The following SNTG2 variants were observed in gnomAD, a reference collection of about 807,000 sequenced individuals.
SNTG2 encodes the protein gamma-2-syntrophin.
A neutral mutation model predicts 70.9 loss-of-function variants in SNTG2; 74 were observed. The ratio of observed to expected loss-of-function variants is 1.04; its 90% confidence interval spans 0.86 to 1.27. The LOEUF (loss-of-function observed/expected upper bound fraction) is 1.27, where lower values mean the gene tolerates loss of function less well. Ranked by LOEUF, SNTG2 falls within the 50% of genes most tolerant of loss-of-function variation. The probability of loss-of-function intolerance (pLI) is 0.00; values close to 1 mark genes in which losing one functional copy is unlikely to be tolerated. For synonymous variants in SNTG2, 278 were observed against 273.8 expected (o/e 1.02, Z -0.15); for missense variants, 717 against 690.7 (o/e 1.04, Z -0.43).
At chr2:1,117,053 T>C (rs73154609) in intron 4 of SNTG2, among the ~76,000 whole-genome samples, 741 of 59,830 alleles carry the variant, frequency 0.012, 11 homozygotes, top group African/African-American at 0.049. Context: ...GTGTGGGTGC[T>C]CTGGTGTGTG....
chr2:1,123,360 C>G (rs1018505261), intron 4 of SNTG2, among the ~76,000 whole-genome samples: 1 of 152,132 alleles, frequency 6.6e-6, no homozygotes, highest in African/African-American at 2.4e-5. Flanking sequence ...AAAACAGACA[C>G]CTACACCAGT....
intron 8 of SNTG2, among the ~76,000 whole-genome samples, chr2:1,203,279 G>A (rs1265066610): frequency 6.6e-6 from 1 of 152,164 alleles, no homozygotes; most frequent in Non-Finnish European, 1.5e-5. Flanking sequence ...TCAGGAAATA[G>A]AGGAGGTTGA....
At chr2:1,172,015 A>G (rs1671159723) in intron 7 of SNTG2, among the ~76,000 whole-genome samples, 1 of 152,316 alleles carries the variant, frequency 6.6e-6, no homozygotes, top group Admixed American at 6.5e-5. Context: ...ACAACAGGGC[A>G]TCCCAAATAC....
intron 16 of SNTG2, among the ~76,000 whole-genome samples, chr2:1,320,992 C>T (rs1235491072): frequency 6.6e-6 from 1 of 152,140 alleles, no homozygotes; most frequent in African/African-American, 2.4e-5. Flanking sequence ...GCATGAGGGT[C>T]AGCACATATG....
intron 9 of SNTG2, among the ~76,000 whole-genome samples, chr2:1,234,731 C>A (rs1020622573): frequency 6.6e-6 from 1 of 152,210 alleles, no homozygotes; most frequent in Non-Finnish European, 1.5e-5. Flanking sequence ...AGCTGATGAT[C>A]TTTCTCAAGA....
intron 2 of SNTG2, among the ~76,000 whole-genome samples, chr2:1,089,968 C>T (rs1220162685): frequency 6.6e-6 from 1 of 152,204 alleles, no homozygotes; most frequent in Non-Finnish European, 1.5e-5. Context: ...ACTGCTTCCT[C>T]ACTGGCCTTT....
chr2:1,137,777 A>T lies in SNTG2; in HGVS notation c.379A>T (p.Ile127Leu). The T allele has an allele frequency of 1.2e-6, 2 of 1,613,606 alleles. No individual in the cohort carries two copies. The highest frequency in any genetic ancestry group is 1.7e-6 in the Non-Finnish European group (2 of 1,179,754). ...VGDAVLQVNGIHVENATHEEV... is the reference protein window; with the variant it reads ...VGDAVLQVNGLHVENATHEEV... ...TTTGTCATCTGTTCAGGTTAATGGCATACATGTAGAAAATGCAACTCATGA... is the reference window on the plus strand; with the variant it reads ...TTTGTCATCTGTTCAGGTTAATGGCTTACATGTAGAAAATGCAACTCATGA... Residue 127 changes from isoleucine to leucine, a missense_variant, in exon 6 of 17, where the codon ATA becomes TTA. Transcript: ENST00000308624.
At chr2:1,030,221 C>T (rs1377359939) in intron 1 of SNTG2, among the ~76,000 whole-genome samples, 1 of 152,178 alleles carries the variant, frequency 6.6e-6, no homozygotes, top group Non-Finnish European at 1.5e-5. Flanking sequence ...TGCTGAACTT[C>T]TTGAGCTGTG....
rs1676352040 is a variant in SNTG2 at position 1,232,874 on chromosome 2, C to T, written c.720-5014C>T. ...ATTTTCAGTCATGAGCTAAAATACA[C>T]ACACATGCACACACACACACATGCA... On this transcript the variant is annotated intron_variant, in intron 9 of 16. Coordinates refer to ENST00000308624, the MANE Select transcript of SNTG2 (RefSeq NM_018968.4). Among the ~76,000 whole-genome samples, 4 of 152,070 alleles carry T rather than the reference C, an allele frequency of 2.6e-5. No individual in the cohort carries two copies. The South Asian group carries it at 8.3e-4, about 31-fold the overall frequency.
intron 1 of SNTG2, among the ~76,000 whole-genome samples, chr2:980,695 T>TAC (rs10648703): frequency 0.03 from 4,502 of 150,000 alleles, 75 homozygotes; most frequent in African/African-American, 0.042. Context: ...TAGACACATG[T>TAC]ACACACACAC....
intron 1 of SNTG2, among the ~76,000 whole-genome samples, chr2:983,705 G>A (rs1218329711): frequency 1.3e-5 from 2 of 152,192 alleles, no homozygotes; most frequent in African/African-American, 4.8e-5. Flanking sequence ...TCCCTGGTTG[G>A]ATTTAAAGTG....
chr2:979,878 A>G lies in SNTG2; in HGVS notation c.72+28810A>G, dbSNP rs554553756. Among the ~76,000 whole-genome samples the G allele has an allele frequency of 5.8e-5, 8 of 136,998 alleles. No homozygotes were observed. The South Asian group carries it at 1.3e-3, about 22-fold the overall frequency. 89.9% of individuals were successfully genotyped at this position (136,998 alleles called of 152,430 possible). A position where few individuals can be genotyped will look rare whatever the true frequency, so the allele number is the denominator to read the frequency against. ...ACAAAGTTATTGCCAAAGTTTATAGAGATTATAATTTAAGTTATGTTAAAT... is the reference window on the plus strand; with the variant it reads ...ACAAAGTTATTGCCAAAGTTTATAGGGATTATAATTTAAGTTATGTTAAAT... On this transcript the variant is annotated intron_variant, in intron 1 of 16. Transcript: ENST00000308624.
At chr2:1,215,524 C>A (rs557003588) in intron 9 of SNTG2, among the ~76,000 whole-genome samples, 14 of 150,616 alleles carry the variant, frequency 9.3e-5, no homozygotes, top group Non-Finnish European at 1.5e-4. Flanking sequence ...TTTTTAAAAG[C>A]GTGTTTTACA....
chr2:1,063,034 A>C (rs1315719522), intron 1 of SNTG2, among the ~76,000 whole-genome samples: 1 of 152,214 alleles, frequency 6.6e-6, no homozygotes, highest in Non-Finnish European at 1.5e-5. Context: ...ACTGTAAAAA[A>C]CTTAATTGTC....
chr2:1,312,966 G>T (rs934172636), intron 15 of SNTG2, among the ~76,000 whole-genome samples: 2 of 152,196 alleles, frequency 1.3e-5, no homozygotes, highest in African/African-American at 4.8e-5. Flanking sequence ...AAAACATCAA[G>T]AAACGAATTA....
At chr2:1,241,545 A>G (rs1677050933) in intron 11 of SNTG2, among the ~76,000 whole-genome samples, 2 of 132,470 alleles carry the variant, frequency 1.5e-5, no homozygotes, top group South Asian at 5.0e-4. Context: ...ATATGTATAC[A>G]TGTACCATGT....
rs146121755 is a variant in SNTG2 at position 1,166,347 on chromosome 2, C to T, written c.499+712C>T. Among the ~76,000 whole-genome samples the T allele has an allele frequency of 1.4e-3, 207 of 152,278 alleles. 1 individual carries two copies. Among genetic ancestry groups the T allele is most frequent in the African/African-American group, 4.8e-3 (201 of 41,556 alleles). On this transcript the variant is annotated intron_variant, in intron 7 of 16. Transcript: ENST00000308624. ...CAGGGCATCCGATGTGGAATGAGGA[C>T]CTCCCGCTGAGCCGACAGTCGGGTT...
chr2:1,168,633 C>G (rs766458676), intron 7 of SNTG2, among the ~76,000 whole-genome samples: 3 of 152,204 alleles, frequency 2.0e-5, no homozygotes, highest in Admixed American at 6.5e-5. Flanking sequence ...TTCAGCAACT[C>G]CATTTTTCCC....
intron 6 of SNTG2, among the ~76,000 whole-genome samples, chr2:1,143,364 G>C (rs1668877455): frequency 6.6e-6 from 1 of 152,044 alleles, no homozygotes; most frequent in Non-Finnish European, 1.5e-5. Flanking sequence ...TGAGTCCCTG[G>C]GCCTTGTCAT....
Sources: gnomAD v4.1 joint callset for allele counts (sites outside exome capture counted in the v4.1 genomes callset) on GRCh38, gnomAD v4.1.1 for gene constraint, MANE v1.5 for transcripts, NCBI Gene and HGNC (gene_info 2026-07-23, HGNC 2026-07-21) for gene names.